MCHR2: variants seen among roughly 807,000 people sequenced by gnomAD.
MCHR2 encodes melanin concentrating hormone receptor 2.
A neutral mutation model predicts 24.8 loss-of-function variants in MCHR2; 15 were observed. That is an observed-to-expected ratio of 0.60 (90% CI 0.40 to 0.93). The LOEUF (loss-of-function observed/expected upper bound fraction) is 0.93. Among genes scored for constraint, MCHR2 ranks in the 40% least tolerant of loss-of-function variants. MCHR2 has a pLI of 0.00. For missense variants in MCHR2, 386 were observed against 408.7 expected, an observed-to-expected ratio of 0.94 and a Z score of 0.48; for synonymous variants, 151 against 147.6, an observed-to-expected ratio of 1.02 and a Z score of -0.17.
chr6:99,922,107 T>A (rs1774247592), intron 5 of MCHR2, among the ~76,000 whole-genome samples: 1 of 11,288 alleles, frequency 8.9e-5, no homozygotes, highest in Admixed American at 1.2e-3. Flanking sequence ...CATTTGTCCA[T>A]TTTTTTTTTT....
At chr6:99,932,941 T>A (rs149566755) in intron 5 of MCHR2, among the ~76,000 whole-genome samples, 3 of 152,168 alleles carry the variant, frequency 2.0e-5, no homozygotes, top group Admixed American at 6.5e-5. Context: ...ATGTAAGATG[T>A]TAACAATGGG....
intron 5 of MCHR2, among the ~76,000 whole-genome samples, chr6:99,927,526 T>G (rs1026009520): frequency 1.3e-4 from 20 of 152,312 alleles, no homozygotes; most frequent in African/African-American, 4.6e-4. Flanking sequence ...CAGTGGTTTG[T>G]AGCTCTCCTT....
At chr6:99,942,471 G>C (rs1774789604) in intron 4 of MCHR2, among the ~76,000 whole-genome samples, 14 of 152,128 alleles carry the variant, frequency 9.2e-5, no homozygotes, top group Admixed American at 9.2e-4. Flanking sequence ...CCCTAATCCA[G>C]CATGACCTTA....
intron 5 of MCHR2, among the ~76,000 whole-genome samples, chr6:99,930,468 A>C (rs1223891249): frequency 6.6e-6 from 1 of 152,200 alleles, no homozygotes; most frequent in Non-Finnish European, 1.5e-5. Context: ...TGTCACTTTC[A>C]GGTACACCAA....
At chr6:99,967,221 G>T (rs1775311677) in intron 1 of MCHR2, among the ~76,000 whole-genome samples, 1 of 151,596 alleles carries the variant, frequency 6.6e-6, no homozygotes, top group Admixed American at 6.6e-5. Context: ...GACAGTGTCA[G>T]TTTAATGTAT....
At position 99,936,084 on chromosome 6, in the gene MCHR2, A is replaced by G. The variant is rs540559205; in HGVS notation, c.588-1567T>C. ...CTATTGAGTTGTTTGAGCTCCTTAT[A>G]TATTCTGGTTTTTAATCACTTGTCA... is the stretch of plus-strand genomic sequence containing the variant. On this transcript the variant is annotated intron_variant, in intron 4 of 5. Transcript: ENST00000281806. Among the ~76,000 whole-genome samples the G allele has an allele frequency of 2.7e-3, 412 of 152,028 alleles. 2 individuals are homozygous for G. The highest frequency in any genetic ancestry group is 9.5e-3 in the African/African-American group (395 of 41,492).
intron 1 of MCHR2, among the ~76,000 whole-genome samples, chr6:99,978,067 G>T (rs1775587862): frequency 6.6e-6 from 1 of 152,124 alleles, no homozygotes; most frequent in Non-Finnish European, 1.5e-5. Flanking sequence ...ATGTGGCAAA[G>T]GTATAGAGGA....
At chr6:99,972,143 C>T (rs577437013) in intron 1 of MCHR2, among the ~76,000 whole-genome samples, 3 of 152,302 alleles carry the variant, frequency 2.0e-5, no homozygotes, top group Admixed American at 6.5e-5. Flanking sequence ...ATGTTACCAG[C>T]TCCTCCTTGT....
intron 5 of MCHR2, among the ~76,000 whole-genome samples, chr6:99,924,801 C>T (rs1317610230): frequency 6.6e-6 from 1 of 151,982 alleles, no homozygotes; most frequent in Non-Finnish European, 1.5e-5. Context: ...TTTTTAAAGA[C>T]TTGTTTTGTG....
In MCHR2 at chr6:99,965,843, A is replaced by G. The variant is rs563109307; in HGVS notation, c.-27-9669T>C. Among the ~76,000 whole-genome samples the G allele has an allele frequency of 6.6e-5, 10 of 152,322 alleles. 1 individual carries two copies. The South Asian group carries it at 2.1e-3, about 32-fold the overall frequency. ...ATTTTTATGATCTCACAAATCATTTATGAATTTCAATATCTCTTCTCCAAA... is the reference window on the plus strand; with the variant it reads ...ATTTTTATGATCTCACAAATCATTTGTGAATTTCAATATCTCTTCTCCAAA... On this transcript the variant is annotated intron_variant, in intron 1 of 5. Coordinates refer to ENST00000281806, the MANE Select transcript of MCHR2 (RefSeq NM_001040179.2).
At chr6:99,959,343 G>T in intron 1 of MCHR2, among the ~76,000 whole-genome samples, 1 of 151,916 alleles carries the variant, frequency 6.6e-6, no homozygotes, top group African/African-American at 2.4e-5. Context: ...AAATGTTTGA[G>T]ATGTCCCCTG....
intron 1 of MCHR2, among the ~76,000 whole-genome samples, chr6:99,956,577 C>G (rs1483560735): frequency 6.6e-6 from 1 of 152,012 alleles, no homozygotes; most frequent in Non-Finnish European, 1.5e-5. Flanking sequence ...TCCTCTCTGT[C>G]TGCTATAAAA....
intron 1 of MCHR2, among the ~76,000 whole-genome samples, chr6:99,960,029 G>A (rs1254201204): frequency 1.3e-5 from 2 of 151,968 alleles, no homozygotes; most frequent in Non-Finnish European, 2.9e-5. Context: ...AAGAAGACCA[G>A]CCTACCTCAA....
chr6:99,927,192 T>C (rs1030449516), intron 5 of MCHR2, among the ~76,000 whole-genome samples: 6 of 152,194 alleles, frequency 3.9e-5, no homozygotes, highest in Non-Finnish European at 8.8e-5. Flanking sequence ...TCCATTGATC[T>C]ATATCTCTGT....
rs1775052710 is a variant in MCHR2, at chr6:99,956,045, C to T, written c.103G>A (p.Val35Ile). 6.2e-7 allele frequency: 1 copy of T among 1,613,138 alleles called. No homozygotes were observed. The highest frequency in any genetic ancestry group is 8.5e-7 in the Non-Finnish European group (1 of 1,179,584). Residue 35 changes from valine to isoleucine, a missense_variant, in exon 2 of 6, where the codon GTC (valine) becomes ATC (isoleucine). Coordinates refer to ENST00000281806, the MANE Select transcript of MCHR2 (RefSeq NM_001040179.2). ...ATCCCAATCATGGAAGGGAGGATGA[C>T]TGTATCTACCACACTGGCAGTTTGA... is the stretch of plus-strand genomic sequence containing the variant. ...AYQTASVVDTVILPSMIGIIC... is the reference protein window; with the variant it reads ...AYQTASVVDTIILPSMIGIIC...
intron 2 of MCHR2, among the ~76,000 whole-genome samples, chr6:99,954,484 G>A (rs1400572295): frequency 6.6e-6 from 1 of 152,058 alleles, no homozygotes; most frequent in African/African-American, 2.4e-5. Flanking sequence ...CTCATGTGAT[G>A]GGTTGCAGTC....
chr6:99,982,605 C>T (rs1451202651), intron 1 of MCHR2, among the ~76,000 whole-genome samples: 3 of 151,402 alleles, frequency 2.0e-5, no homozygotes, highest in Admixed American at 2.0e-4. Context: ...CACCACTGTA[C>T]CCTAGCTTGG....
At chr6:99,966,422 A>T (rs1775297292) in intron 1 of MCHR2, among the ~76,000 whole-genome samples, 1 of 152,150 alleles carries the variant, frequency 6.6e-6, no homozygotes, top group South Asian at 2.1e-4. Flanking sequence ...TGCTTTATTG[A>T]CTTAATATAA....
chr6:99,984,308 G>A (rs1275295672), intron 1 of MCHR2, among the ~76,000 whole-genome samples: 2 of 150,934 alleles, frequency 1.3e-5, no homozygotes, highest in Admixed American at 6.6e-5. Flanking sequence ...TGTGCACAAT[G>A]TGCAGGTTAG....
Sources: allele counts gnomAD v4.1 joint callset (sites outside exome capture counted in the v4.1 genomes callset), GRCh38; gene constraint gnomAD v4.1.1; transcripts MANE v1.5; gene names NCBI Gene and HGNC (gene_info 2026-07-23, HGNC 2026-07-21).